Variants in MAPK10 observed in about 807,000 individuals in gnomAD.
MAPK10 encodes mitogen-activated protein kinase 10.
A neutral mutation model predicts 59.3 loss-of-function variants in MAPK10; 25 were observed. That is an observed-to-expected ratio of 0.42 (90% CI 0.31 to 0.59). The LOEUF (loss-of-function observed/expected upper bound fraction) is 0.59, where lower values mean the gene tolerates loss of function less well. MAPK10 is among the 20% of genes least tolerant of loss of function. MAPK10 has a pLI of 0.15. For synonymous variants in MAPK10, 190 were observed against 200.5 expected (o/e 0.95, Z 0.44); for missense variants, 351 against 568.9 (o/e 0.62, Z 3.90).
At chr4:86,480,557 T>C (rs1291435598) in intron 1 of MAPK10, among the ~76,000 whole-genome samples, 1 of 152,142 alleles carries the variant, frequency 6.6e-6, no homozygotes, top group Non-Finnish European at 1.5e-5. Flanking sequence ...GGAATCTTTG[T>C]AAATACTCCC....
At chr4:86,157,196 G>A (rs1314919769) in intron 4 of MAPK10, among the ~76,000 whole-genome samples, 2 of 151,894 alleles carry the variant, frequency 1.3e-5, no homozygotes, top group African/African-American at 2.4e-5. Context: ...CCAATAACAA[G>A]TTTAAGGTAA....
At position 86,017,296 on chromosome 4, in the gene MAPK10, G is replaced by T. The variant is rs1488991657; in HGVS notation, c.1327C>A (p.Gln443Lys). Residue 443 changes from glutamine (Q) to lysine (K), a missense_variant, in exon 14 of 14, where the codon CAG becomes AAG. Physicochemically the swap from Gln to Lys is moderately conservative, Grantham distance 53. Transcript: ENST00000641462. This position sits in a 1 kb window ranked among gnomAD's most constrained non-coding sequence, Gnocchi z 4.4. ...VNDISSMSTD[Q>K]TLASDTDSSL... The stretch of plus-strand genomic sequence containing the variant: ...CTGTCAGTGTCAGATGCCAGGGTCT[G>T]GTCGGTGGACATGGAGGAGATGTCA... 8 of 1,614,018 alleles carry T rather than the reference G, an allele frequency of 5.0e-6. No homozygotes were observed. The highest frequency in any genetic ancestry group is 6.8e-6 in the Non-Finnish European group (8 of 1,180,006).
At chr4:86,516,919 A>G (rs1171668526) in intron 1 of MAPK10, among the ~76,000 whole-genome samples, 5 of 152,050 alleles carry the variant, frequency 3.3e-5, no homozygotes, top group Admixed American at 1.3e-4. Context: ...CTTTTGTCTG[A>G]TTGCTCTGGC....
intron 1 of MAPK10, among the ~76,000 whole-genome samples, chr4:86,357,209 A>C (rs1224652945): frequency 6.6e-6 from 1 of 152,236 alleles, no homozygotes; most frequent in Non-Finnish European, 1.5e-5. Flanking sequence ...TTCCACTGAA[A>C]GTCCTTTGGC....
chr4:86,423,770 C>CTAT (rs1746860083), intron 1 of MAPK10, among the ~76,000 whole-genome samples: 1 of 91,620 alleles, frequency 1.1e-5, no homozygotes, highest in African/African-American at 3.9e-5. Flanking sequence ...GATATATATA[C>CTAT]ATATATATAT....
At chr4:86,592,533 C>CT (rs1487631293) in intron 1 of MAPK10, among the ~76,000 whole-genome samples, 2 of 152,228 alleles carry the variant, frequency 1.3e-5, no homozygotes, top group African/African-American at 4.8e-5. Flanking sequence ...AATACATGAA[C>CT]TTTCTTTCAG....
chr4:86,508,408 C>T (rs932703077), intron 1 of MAPK10, among the ~76,000 whole-genome samples: 4 of 152,162 alleles, frequency 2.6e-5, no homozygotes, highest in African/African-American at 9.7e-5. Context: ...CCTTGCATCC[C>T]TCCTGGGACT....
chr4:86,196,986 T>C (rs2081457144), intron 2 of MAPK10, among the ~76,000 whole-genome samples: 1 of 152,126 alleles, frequency 6.6e-6, no homozygotes, highest in Admixed American at 6.6e-5. Context: ...TTTGAAATCA[T>C]GTAGCATGAT....
chr4:86,272,129 G>T (rs552560068), intron 2 of MAPK10, among the ~76,000 whole-genome samples: 1 of 152,116 alleles, frequency 6.6e-6, no homozygotes, highest in African/African-American at 2.4e-5. Context: ...TTAGGATAAT[G>T]GCCTCCAGTT....
At chr4:86,275,094 G>A (rs1266056913) in intron 2 of MAPK10, among the ~76,000 whole-genome samples, 1 of 151,898 alleles carries the variant, frequency 6.6e-6, no homozygotes, top group East Asian at 1.9e-4. Flanking sequence ...TTAAACCTGT[G>A]ACAATGACTT....
At chr4:86,203,132 T>C (rs2083023561) in intron 2 of MAPK10, among the ~76,000 whole-genome samples, 1 of 151,814 alleles carries the variant, frequency 6.6e-6, no homozygotes, top group African/African-American at 2.4e-5. Flanking sequence ...ATTTAGGGAG[T>C]TTAGTGCTTT....
At chr4:86,278,451 A>G (rs1236658394) in intron 2 of MAPK10, among the ~76,000 whole-genome samples, 2 of 152,148 alleles carry the variant, frequency 1.3e-5, no homozygotes, top group Non-Finnish European at 2.9e-5. Flanking sequence ...TATGTTCTGA[A>G]TCACAGTAAG....
intron 3 of MAPK10, among the ~76,000 whole-genome samples, chr4:86,172,118 T>C (rs1172738379): frequency 2.9e-5 from 4 of 135,962 alleles, no homozygotes; most frequent in South Asian, 2.2e-4. Flanking sequence ...ACTTTTACAC[T>C]GTTGGTGGGA....
chr4:86,074,027 C>CTTTG (rs2048648461), intron 9 of MAPK10, among the ~76,000 whole-genome samples: 2 of 94,074 alleles, frequency 2.1e-5, no homozygotes, highest in Non-Finnish European at 4.4e-5. Context: ...GTGTGGGAGT[C>CTTTG]TAAGTCTCTT....
intron 2 of MAPK10, among the ~76,000 whole-genome samples, chr4:86,278,367 A>C (rs2094663139): frequency 6.6e-6 from 1 of 152,200 alleles, no homozygotes. Flanking sequence ...AAATATGAAC[A>C]TAGTGGAGCA....
chr4:86,558,107 C>T (rs937255510), intron 1 of MAPK10, among the ~76,000 whole-genome samples: 4 of 152,078 alleles, frequency 2.6e-5, no homozygotes, highest in African/African-American at 7.2e-5. Context: ...ATTAAAAATA[C>T]ATATTTTCAA....
At chr4:86,437,213 C>CA (rs61312037) in intron 1 of MAPK10, among the ~76,000 whole-genome samples, 2,503 of 80,482 alleles carry the variant, frequency 0.031, 110 homozygotes, top group African/African-American at 0.098. Context: ...GACTCTGTCT[C>CA]AAAAAAAAAA....
In MAPK10 at chr4:86,564,577, A is replaced by G. The variant is rs534161781; in HGVS notation, c.-263+29333T>C. 5.9e-5 allele frequency among the ~76,000 whole-genome samples: 9 copies of G among 152,286 alleles called. No individual in the cohort carries two copies. In the South Asian group the frequency reaches 1.5e-3, roughly 25 times the overall value. On this transcript the variant is annotated intron_variant, in intron 1 of 4. Transcript: ENST00000502302. ...CATTTATTTGCCTATGAATGGAGACATGCACAGACACCACCAAATGAATCC... is the reference window on the plus strand; with the variant it reads ...CATTTATTTGCCTATGAATGGAGACGTGCACAGACACCACCAAATGAATCC...
At chr4:86,161,779 G>A (rs747600498) in intron 3 of MAPK10, among the ~76,000 whole-genome samples, 12 of 151,998 alleles carry the variant, frequency 7.9e-5, no homozygotes, top group Non-Finnish European at 1.5e-4. Context: ...TGTATTGCAT[G>A]TATAAACTAA....
Sources: gnomAD v4.1 joint callset for allele counts (sites outside exome capture counted in the v4.1 genomes callset) on GRCh38, gnomAD v4.1.1 for gene constraint, Gnocchi (gnomAD v3.1) non-coding constraint, MANE v1.5 for transcripts, NCBI Gene and HGNC (gene_info 2026-07-23, HGNC 2026-07-21) for gene names.